PLD5: variants seen among roughly 807,000 people sequenced by gnomAD.
PLD5 encodes the protein inactive phospholipase D5.
In PLD5, 36 loss-of-function variants were observed where a neutral mutation model predicts 61.1. The observed-to-expected ratio is 0.59, with a 90% CI of 0.45 to 0.78. The LOEUF (loss-of-function observed/expected upper bound fraction) is 0.78, where lower values mean the gene tolerates loss of function less well. Ranked by LOEUF, PLD5 falls within the 30% of genes least tolerant of loss-of-function variation. The probability of loss-of-function intolerance (pLI) is 0.00; values close to 1 mark genes in which losing one functional copy is unlikely to be tolerated. For synonymous variants in PLD5, 243 were observed against 242.8 expected (o/e 1.00, Z -0.01); for missense variants, 515 against 644.4 (o/e 0.80, Z 2.17).
intron 5 of PLD5, among the ~76,000 whole-genome samples, chr1:242,149,325 G>T (rs1049531993): frequency 4.0e-5 from 6 of 151,726 alleles, no homozygotes; most frequent in African/African-American, 1.5e-4. Flanking sequence ...AACTAGCCTT[G>T]CATTCCTGAG....
intron 1 of PLD5, among the ~76,000 whole-genome samples, chr1:242,512,033 G>T (rs895423624): frequency 6.6e-6 from 1 of 152,108 alleles, no homozygotes; most frequent in South Asian, 2.1e-4. Flanking sequence ...GGATTTCAGG[G>T]AATGGAAAAC....
At chr1:242,155,285 T>A (rs887950802) in intron 5 of PLD5, among the ~76,000 whole-genome samples, 9 of 152,178 alleles carry the variant, frequency 5.9e-5, no homozygotes, top group African/African-American at 1.9e-4. Context: ...TTGCTGATCT[T>A]TTCAAAAAAA....
chr1:242,527,181 AGT>A (rs1469357862), upstream of PLD5, among the ~76,000 whole-genome samples: 4 of 119,606 alleles, frequency 3.3e-5, no homozygotes, highest in Non-Finnish European at 6.4e-5. Context: ...CCCAGGCTGG[AGT>A]GCGGTGGTTC....
chr1:242,395,883 A>T (rs1663543165), intron 1 of PLD5, among the ~76,000 whole-genome samples: 1 of 152,132 alleles, frequency 6.6e-6, no homozygotes, highest in Non-Finnish European at 1.5e-5. Flanking sequence ...CCCCGTCTCT[A>T]CTAAAAATAC....
At position 242,394,325 on chromosome 1, in the gene PLD5, AGTATATATGTGT is replaced by A. The variant is rs1389108415; in HGVS notation, c.190-46095_190-46084del. 2.8e-4 allele frequency among the ~76,000 whole-genome samples: 20 copies of A among 71,120 alleles called. 5 individuals are homozygous for A. The Admixed American group carries it at 3.1e-3, about 11-fold the overall frequency. The allele number at this position is 71,120 out of a possible 152,430, so 46.7% of individuals were successfully genotyped here. ...ATGAGTATATATGTGTGTATATATG[AGTATATATGTGT>A]GTATATATGAGTATATATGTGTGTA... On this transcript the variant is annotated intron_variant, in intron 1 of 9. Coordinates refer to ENST00000536534, the MANE Select transcript of PLD5 (RefSeq NM_001372062.1).
At chr1:242,435,292 G>A (rs1332088471) in intron 1 of PLD5, among the ~76,000 whole-genome samples, 2 of 149,192 alleles carry the variant, frequency 1.3e-5, no homozygotes, top group Admixed American at 1.3e-4. Context: ...TAGTGCATGC[G>A]CTCCCAGTTG....
chr1:242,273,721 T>A (rs1674245238), intron 3 of PLD5, among the ~76,000 whole-genome samples: 2 of 152,228 alleles, frequency 1.3e-5, no homozygotes. Context: ...CTGGATTATC[T>A]GAGGATAATC....
At chr1:242,116,409 A>G (rs1313888601) in intron 6 of PLD5, among the ~76,000 whole-genome samples, 1 of 152,190 alleles carries the variant, frequency 6.6e-6, no homozygotes, top group Non-Finnish European at 1.5e-5. Context: ...GGTTTTTTAA[A>G]AAAGAATTTC....
intron 1 of PLD5, among the ~76,000 whole-genome samples, chr1:242,395,055 A>ATATGTATATATGAATG (rs1663469252): frequency 1.0e-5 from 1 of 95,620 alleles, no homozygotes; most frequent in Non-Finnish European, 2.1e-5. Context: ...ATATATGAAT[A>ATATGTATATATGAATG]TATATGTATA....
intron 1 of PLD5, among the ~76,000 whole-genome samples, chr1:242,475,422 C>CAAAAAAAAA (rs5782239): frequency 3.3e-5 from 3 of 91,474 alleles, no homozygotes; most frequent in African/African-American, 1.2e-4. Flanking sequence ...GACTCCGTCT[C>CAAAAAAAAA]AAAAAAAAAA....
intron 1 of PLD5, among the ~76,000 whole-genome samples, chr1:242,481,283 A>C (rs1474988189): frequency 6.6e-6 from 1 of 152,214 alleles, no homozygotes; most frequent in East Asian, 1.9e-4. Context: ...CGGGAAGTGC[A>C]AGGGGTCAGG....
At chr1:242,327,492 T>A (rs376992705) in intron 2 of PLD5, among the ~76,000 whole-genome samples, 1 of 152,234 alleles carries the variant, frequency 6.6e-6, no homozygotes, top group East Asian at 1.9e-4. Flanking sequence ...AACAATGTGC[T>A]GAACAGCTCC....
At chr1:242,416,915 G>A (rs1664862056) in intron 1 of PLD5, among the ~76,000 whole-genome samples, 1 of 152,106 alleles carries the variant, frequency 6.6e-6, no homozygotes, top group Admixed American at 6.5e-5. Flanking sequence ...AACATTTATT[G>A]GAGCCCCTGT....
chr1:242,175,411 A>T (rs1667072822), intron 5 of PLD5, among the ~76,000 whole-genome samples: 1 of 152,194 alleles, frequency 6.6e-6, no homozygotes, highest in Admixed American at 6.5e-5. Context: ...CCTTCATACT[A>T]AAAACTCTCA....
chr1:242,409,109 C>A (rs1311188907), intron 1 of PLD5, among the ~76,000 whole-genome samples: 3 of 151,724 alleles, frequency 2.0e-5, no homozygotes, highest in Non-Finnish European at 4.4e-5. Context: ...AAACAAGAAG[C>A]ACCTTTCAGT....
intron 5 of PLD5, among the ~76,000 whole-genome samples, chr1:242,200,570 C>G (rs913621302): frequency 2.6e-5 from 4 of 151,870 alleles, no homozygotes; most frequent in African/African-American, 9.7e-5. Flanking sequence ...TGGGATGTTA[C>G]TATACATCTG....
intron 1 of PLD5, among the ~76,000 whole-genome samples, chr1:242,415,674 G>T (rs1042726735): frequency 6.6e-6 from 1 of 151,760 alleles, no homozygotes. Context: ...CACCACGCCC[G>T]GCCAAATTTT....
In PLD5 at chr1:242,133,119, A is replaced by G. The variant is rs545498264; in HGVS notation, c.736-8454T>C. The stretch of plus-strand genomic sequence containing the variant: ...TCTGACTGGTCCCCTCCCGCAACCA[A>G]TCACGCTGGTCAGGGGCCTAGTCTT... On this transcript the variant is annotated intron_variant, in intron 5 of 9. Transcript: ENST00000536534. Among the ~76,000 whole-genome samples, 7 of 151,884 alleles carry G rather than the reference A, an allele frequency of 4.6e-5. No individual in the cohort carries two copies. In the South Asian group the frequency reaches 8.3e-4, roughly 18 times the overall value.
At chr1:242,186,639 G>GA (rs35666667) in intron 5 of PLD5, among the ~76,000 whole-genome samples, 3 of 151,776 alleles carry the variant, frequency 2.0e-5, no homozygotes, top group Non-Finnish European at 4.4e-5. Context: ...ATTTTCAAGA[G>GA]AAAAAAAACA....
Sources: allele counts gnomAD v4.1 joint callset (sites outside exome capture counted in the v4.1 genomes callset), GRCh38; gene constraint gnomAD v4.1.1; transcripts MANE v1.5; gene names NCBI Gene and HGNC (gene_info 2026-07-23, HGNC 2026-07-21).